The following AKAP7 variants were observed in gnomAD, a reference collection of about 807,000 sequenced individuals.
AKAP7 encodes A-kinase anchoring protein 7.
In AKAP7, 39 loss-of-function variants were observed where a neutral mutation model predicts 39.5. The ratio of observed to expected loss-of-function variants is 0.99; its 90% CI spans 0.76 to 1.29. The LOEUF (loss-of-function observed/expected upper bound fraction) is 1.29, where lower values mean the gene tolerates loss of function less well. Among genes scored for constraint, AKAP7 ranks in the 50% most tolerant of loss-of-function variants. The probability of loss-of-function intolerance (pLI) is 0.00; values close to 1 mark genes in which losing one functional copy is unlikely to be tolerated. For missense variants in AKAP7, 414 were observed against 407.7 expected (o/e 1.02, Z -0.13); for synonymous variants, 140 against 139.1 (o/e 1.01, Z -0.05).
intron 5 of AKAP7, among the ~76,000 whole-genome samples, chr6:131,183,823 T>C (rs1805532652): frequency 6.6e-6 from 1 of 151,792 alleles, no homozygotes; most frequent in African/African-American, 2.4e-5. Context: ...AGGAAGGAGG[T>C]GAGGCTAAGT....
chr6:131,218,534 A>C (rs900219079), intron 6 of AKAP7, among the ~76,000 whole-genome samples: 3 of 152,356 alleles, frequency 2.0e-5, no homozygotes, highest in Middle Eastern at 6.8e-3. Context: ...TTTCCCATTA[A>C]CTAGTTTTCT....
chr6:131,275,658 T>G (rs1814684665), intron 7 of AKAP7, among the ~76,000 whole-genome samples: 1 of 152,168 alleles, frequency 6.6e-6, no homozygotes, highest in African/African-American at 2.4e-5. Flanking sequence ...CCATCGCATG[T>G]CTGCCGCCAT....
intron 7 of AKAP7, among the ~76,000 whole-genome samples, chr6:131,274,524 G>T (rs771305956): frequency 6.6e-6 from 1 of 151,970 alleles, no homozygotes; most frequent in African/African-American, 2.4e-5. Flanking sequence ...TGTTTTTAGA[G>T]ATGTGGTCTC....
chr6:131,202,960 G>C (rs1807742239), intron 6 of AKAP7, among the ~76,000 whole-genome samples: 1 of 152,054 alleles, frequency 6.6e-6, no homozygotes, highest in African/African-American at 2.4e-5. Flanking sequence ...TGAAGCTTCA[G>C]ATTTCCACCC....
At chr6:131,251,661 A>G (rs944789522) in intron 7 of AKAP7, among the ~76,000 whole-genome samples, 5 of 152,198 alleles carry the variant, frequency 3.3e-5, no homozygotes, top group African/African-American at 1.2e-4. Context: ...TAAATGCTGA[A>G]GTCTCCAAAC....
At chr6:131,223,993 T>C (rs1809932601) in intron 7 of AKAP7, among the ~76,000 whole-genome samples, 1 of 152,212 alleles carries the variant, frequency 6.6e-6, no homozygotes, top group Non-Finnish European at 1.5e-5. Context: ...TCTTTATTGC[T>C]GTTACACTTT....
chr6:131,193,460 T>C (rs571903768), intron 5 of AKAP7, among the ~76,000 whole-genome samples: 1 of 152,080 alleles, frequency 6.6e-6, no homozygotes, highest in South Asian at 2.1e-4. Flanking sequence ...TTTAGTGTAT[T>C]GTTGAATTCA....
At chr6:131,238,127 A>G (rs1468189540) in intron 7 of AKAP7, among the ~76,000 whole-genome samples, 4 of 152,150 alleles carry the variant, frequency 2.6e-5, no homozygotes, top group Admixed American at 2.6e-4. Flanking sequence ...GTTGGTTTCA[A>G]AGAACATCTT....
chr6:131,262,467 G>A (rs1044779784), intron 7 of AKAP7, among the ~76,000 whole-genome samples: 2 of 152,100 alleles, frequency 1.3e-5, no homozygotes, highest in Admixed American at 6.5e-5. Flanking sequence ...GTTCCAAGGT[G>A]AGCATTTTGT....
Position 131,281,527 on chromosome 6 carries a change from T to G in AKAP7, c.851-3T>G. On this transcript the variant is annotated splice_region_variant and splice_polypyrimidine_tract_variant and intron_variant, in intron 7 of 7. Coordinates refer to ENST00000431975, the MANE Select transcript of AKAP7 (RefSeq NM_016377.4). This position sits in a 1 kb window ranked among gnomAD's most constrained non-coding sequence, Gnocchi z 4.0. ...GACCTCTCTTCTCTATTGTGGAATG[T>G]AGGTGAAAAGAACGGAGGGGAGCCC... 5.0e-6 allele frequency: 8 copies of G among 1,600,770 alleles called. No individual in the cohort carries two copies. Among genetic ancestry groups the G allele is most frequent in the Non-Finnish European group, 6.8e-6 (8 of 1,173,634 alleles).
intron 7 of AKAP7, among the ~76,000 whole-genome samples, chr6:131,231,931 G>A (rs1260840956): frequency 1.3e-5 from 2 of 152,100 alleles, no homozygotes; most frequent in Non-Finnish European, 2.9e-5. Flanking sequence ...AAAATGAAAA[G>A]CAACTAATAA....
rs543055475 is a variant in AKAP7, at chr6:131,135,808, G to A, written c.19+26G>A. ...GTGAGACCGGGCTGTCCAGCGGGCC[G>A]GGGCGGGGGCGACAGGAGCCGCGGG... On this transcript the variant is annotated intron_variant, in intron 1 of 7. Coordinates refer to ENST00000431975, the MANE Select transcript of AKAP7 (RefSeq NM_016377.4). 1.7e-4 allele frequency: 207 copies of A among 1,226,882 alleles called. No individual in the cohort carries two copies. In the East Asian group the frequency reaches 2.1e-3, roughly 12 times the overall value. 76.0% of individuals were successfully genotyped at this position (1,226,882 alleles called of 1,614,324 possible).
At chr6:131,275,519 G>T (rs1411122881) in intron 7 of AKAP7, among the ~76,000 whole-genome samples, 1 of 152,314 alleles carries the variant, frequency 6.6e-6, no homozygotes, top group Middle Eastern at 3.4e-3. Flanking sequence ...GCAGCAATGA[G>T]AATCATAATA....
At chr6:131,164,057 G>T (rs944933988) in intron 3 of AKAP7, among the ~76,000 whole-genome samples, 1 of 152,126 alleles carries the variant, frequency 6.6e-6, no homozygotes, top group African/African-American at 2.4e-5. Flanking sequence ...ATCACATTCC[G>T]CAGATAATGG....
At chr6:131,151,706 A>G (rs1235713554) in intron 2 of AKAP7, among the ~76,000 whole-genome samples, 1 of 152,196 alleles carries the variant, frequency 6.6e-6, no homozygotes, top group Non-Finnish European at 1.5e-5. Flanking sequence ...AGATTGTGCC[A>G]TTGTACTCTA....
At chr6:131,158,342 G>A (rs1048777470) in intron 2 of AKAP7, among the ~76,000 whole-genome samples, 1 of 152,206 alleles carries the variant, frequency 6.6e-6, no homozygotes, top group Non-Finnish European at 1.5e-5. Context: ...TTAAGGCATT[G>A]TGTGCAGGCA....
intron 7 of AKAP7, among the ~76,000 whole-genome samples, chr6:131,230,303 A>G (rs532610840): frequency 6.6e-6 from 1 of 152,286 alleles, no homozygotes; most frequent in South Asian, 2.1e-4. Context: ...CTGGTGCGAG[A>G]TGATATCTCA....
intron 7 of AKAP7, among the ~76,000 whole-genome samples, chr6:131,223,349 A>C (rs1809869614): frequency 6.6e-6 from 1 of 152,184 alleles, no homozygotes; most frequent in South Asian, 2.1e-4. Context: ...GAATCTTAAT[A>C]CTGACGTTTA....
intron 7 of AKAP7, among the ~76,000 whole-genome samples, chr6:131,241,627 G>GTGTGTATATATA: frequency 1.2e-5 from 1 of 86,638 alleles, no homozygotes; most frequent in African/African-American, 5.0e-5. Context: ...GTGTGTGTGT[G>GTGTGTATATATA]TATATATATA....
Sources: gnomAD v4.1 joint callset for allele counts (sites outside exome capture counted in the v4.1 genomes callset) on GRCh38, gnomAD v4.1.1 for gene constraint, Gnocchi (gnomAD v3.1) non-coding constraint, MANE v1.5 for transcripts, NCBI Gene and HGNC (gene_info 2026-07-23, HGNC 2026-07-21) for gene names.